GAS2: variants seen among roughly 807,000 people sequenced by gnomAD.
GAS2 encodes the protein growth arrest-specific protein 2.
GAS2 carries 20 observed loss-of-function variants against 37.5 expected under a neutral mutation model. That is an observed-to-expected ratio of 0.53 (90% CI 0.37 to 0.77). The LOEUF is 0.77. Ranked by LOEUF, GAS2 falls within the 30% of genes least tolerant of loss-of-function variation. GAS2 has a pLI of 0.00. For synonymous variants in GAS2, 144 were observed against 132.2 expected (o/e 1.09, Z -0.61); for missense variants, 336 against 373.4 (o/e 0.90, Z 0.82).
intron 5 of GAS2, among the ~76,000 whole-genome samples, chr11:22,747,603 C>CCA (rs754863732): frequency 3.9e-5 from 6 of 152,050 alleles, no homozygotes; most frequent in Admixed American, 6.6e-5. Flanking sequence ...ACTTGCATGT[C>CCA]ACCTTTACAG....
intron 1 of GAS2, among the ~76,000 whole-genome samples, chr11:22,655,003 C>T (rs1260822287): frequency 6.6e-6 from 1 of 152,156 alleles, no homozygotes; most frequent in Non-Finnish European, 1.5e-5. Context: ...ACCTTAGTTT[C>T]CACCTTAAGT....
At chr11:22,680,832 C>G (rs1849646743) in intron 2 of GAS2, among the ~76,000 whole-genome samples, 2 of 152,122 alleles carry the variant, frequency 1.3e-5, no homozygotes, top group South Asian at 4.2e-4. Context: ...AGTAGTCAAG[C>G]ATAGTGGCTA....
In GAS2 at chr11:22,731,865, G is replaced by C. The variant is rs191110415; in HGVS notation, c.409+5432G>C. Among the ~76,000 whole-genome samples, 218 of 151,774 alleles carry C rather than the reference G, an allele frequency of 1.4e-3. 3 individuals carry two copies. The highest frequency in any genetic ancestry group is 4.6e-3 in the African/African-American group (192 of 41,456). On this transcript the variant is annotated intron_variant, in intron 4 of 7. Coordinates refer to ENST00000454584, the MANE Select transcript of GAS2 (RefSeq NM_001143830.3). ...TTATTTATATTAATTTCTTTCCCAG[G>C]ATCATTTTATTTTAGACTTTTTATT... is the stretch of plus-strand genomic sequence containing the variant.
At chr11:22,693,823 C>T (rs1850367712) in intron 3 of GAS2, among the ~76,000 whole-genome samples, 1 of 152,196 alleles carries the variant, frequency 6.6e-6, no homozygotes, top group South Asian at 2.1e-4. Flanking sequence ...GAGATCATTA[C>T]TGCCTTCATT....
chr11:22,715,332 G>A (rs986196472), intron 3 of GAS2, among the ~76,000 whole-genome samples: 1 of 151,328 alleles, frequency 6.6e-6, no homozygotes, highest in South Asian at 2.1e-4. Context: ...GTGGTGGCAC[G>A]TGCCTGTAGT....
At chr11:22,790,577 TTTC>T (rs1856100613) in intron 7 of GAS2, among the ~76,000 whole-genome samples, 2 of 146,550 alleles carry the variant, frequency 1.4e-5, no homozygotes, top group South Asian at 2.2e-4. Flanking sequence ...TCCTCAATGT[TTTC>T]TTCTTCTCTA....
At chr11:22,803,853 C>T (rs369971260) in intron 7 of GAS2, among the ~76,000 whole-genome samples, 2 of 151,986 alleles carry the variant, frequency 1.3e-5, no homozygotes, top group African/African-American at 2.4e-5. Context: ...TTGTGGGATT[C>T]ATGTAACTGT....
At chr11:22,725,989 T>C (rs931067145) in intron 3 of GAS2, among the ~76,000 whole-genome samples, 1 of 151,934 alleles carries the variant, frequency 6.6e-6, no homozygotes, top group Admixed American at 6.6e-5. Flanking sequence ...AATGCTTAGA[T>C]GAAAGGGAAG....
chr11:22,713,692 T>A (rs1376947330), intron 3 of GAS2, among the ~76,000 whole-genome samples: 1 of 152,168 alleles, frequency 6.6e-6, no homozygotes, highest in Admixed American at 6.5e-5. Context: ...CAGAAGGGAT[T>A]GGGGTCCTAT....
intron 3 of GAS2, among the ~76,000 whole-genome samples, chr11:22,690,456 TTTCTAACTCTGCATGGGAGCAATGCAGAG>T (rs1308831768): frequency 6.6e-6 from 1 of 152,148 alleles, no homozygotes; most frequent in Non-Finnish European, 1.5e-5. Context: ...AGTGGGCCAT[TTTCTAACTCTGCATGGGAGCAATGCAGAG>T]ACTTCACAGA....
At chr11:22,651,639 A>G (rs1356182232) in intron 1 of GAS2, among the ~76,000 whole-genome samples, 2 of 151,800 alleles carry the variant, frequency 1.3e-5, no homozygotes, top group East Asian at 3.9e-4. Context: ...TTTTTCTCTA[A>G]ACTTCCCTTC....
At chr11:22,738,427 A>C (rs1358298892) in intron 5 of GAS2, among the ~76,000 whole-genome samples, 1 of 152,176 alleles carries the variant, frequency 6.6e-6, no homozygotes, top group African/African-American at 2.4e-5. Flanking sequence ...CTGTTTTCCC[A>C]TTTATTATCT....
chr11:22,802,624 T>C (rs1037465959), intron 7 of GAS2, among the ~76,000 whole-genome samples: 3 of 152,024 alleles, frequency 2.0e-5, no homozygotes, highest in Non-Finnish European at 4.4e-5. Flanking sequence ...ACAGCCATAA[T>C]AAAACCTAAC....
At chr11:22,650,314 T>G (rs1415609942) in intron 1 of GAS2, among the ~76,000 whole-genome samples, 1 of 150,874 alleles carries the variant, frequency 6.6e-6, no homozygotes, top group Non-Finnish European at 1.5e-5. Context: ...CTTTTACATT[T>G]GGTGAGGAGA....
intron 3 of GAS2, among the ~76,000 whole-genome samples, chr11:22,699,050 T>C (rs919942419): frequency 5.3e-5 from 8 of 152,156 alleles, no homozygotes; most frequent in Admixed American, 2.6e-4. Context: ...ACAAAATCTG[T>C]TTCTTTTCTA....
intron 7 of GAS2, among the ~76,000 whole-genome samples, chr11:22,806,305 T>A (rs1368059411): frequency 6.6e-6 from 1 of 152,152 alleles, no homozygotes; most frequent in Non-Finnish European, 1.5e-5. Context: ...TGAGTAGTAT[T>A]CCATTATGTA....
intron 7 of GAS2, among the ~76,000 whole-genome samples, chr11:22,763,616 T>TACACACAC (rs34715661): frequency 1.5e-3 from 210 of 143,878 alleles, no homozygotes; most frequent in East Asian, 7.8e-3. Flanking sequence ...AAAATACACA[T>TACACACAC]ACACACACAC....
chr11:22,761,337 C>A (rs529488298), intron 7 of GAS2, among the ~76,000 whole-genome samples: 27 of 152,176 alleles, frequency 1.8e-4, no homozygotes, highest in Non-Finnish European at 2.6e-4. Context: ...GCAGACAGCC[C>A]CAGTGAATAG....
At chr11:22,674,249 T>G (rs1406405099) in intron 1 of GAS2, among the ~76,000 whole-genome samples, 4 of 152,118 alleles carry the variant, frequency 2.6e-5, no homozygotes, top group Admixed American at 6.5e-5. Context: ...TTTGGTTTCT[T>G]TGACTGCAAG....
Sources: gnomAD v4.1 joint callset for allele counts (sites outside exome capture counted in the v4.1 genomes callset) on GRCh38, gnomAD v4.1.1 for gene constraint, MANE v1.5 for transcripts, NCBI Gene and HGNC (gene_info 2026-07-23, HGNC 2026-07-21) for gene names.